The following PLPPR1 variants were observed in gnomAD, a reference collection of about 807,000 sequenced individuals.
PLPPR1 encodes the protein phospholipid phosphatase related 1, also known as phospholipid phosphatase-related protein type 1.
Under a neutral mutation model 33.1 loss-of-function variants are expected in PLPPR1, and 10 were observed. The ratio of observed to expected loss-of-function variants is 0.30; its 90% confidence interval spans 0.19 to 0.51. The LOEUF (loss-of-function observed/expected upper bound fraction) is 0.51. Among genes scored for constraint, PLPPR1 ranks in the 20% least tolerant of loss-of-function variants. The pLI is 0.97. For missense variants in PLPPR1, 304 were observed against 408.1 expected (o/e 0.74, Z 2.20); for synonymous variants, 151 against 151.0 (o/e 1.00, Z 0.00).
At chr9:101,083,375 A>T (rs529905676) in intron 1 of PLPPR1, among the ~76,000 whole-genome samples, 1 of 145,530 alleles carries the variant, frequency 6.9e-6, no homozygotes, top group Admixed American at 7.0e-5. Context: ...TGACAGAGCA[A>T]GACTCCATCT....
At chr9:101,123,115 C>G (rs1026912926) in intron 1 of PLPPR1, among the ~76,000 whole-genome samples, 2 of 152,174 alleles carry the variant, frequency 1.3e-5, no homozygotes, top group Non-Finnish European at 1.5e-5. Flanking sequence ...ATCAATATAT[C>G]TCTATATTTT....
At chr9:101,070,862 C>T (rs1343625924) in intron 1 of PLPPR1, among the ~76,000 whole-genome samples, 1 of 152,114 alleles carries the variant, frequency 6.6e-6, no homozygotes, top group Non-Finnish European at 1.5e-5. Flanking sequence ...CCAGCACTAA[C>T]AACAGTATCT....
chr9:101,136,111 C>A (rs1181880166), intron 1 of PLPPR1, among the ~76,000 whole-genome samples: 1 of 152,214 alleles, frequency 6.6e-6, no homozygotes, highest in Non-Finnish European at 1.5e-5. Context: ...CTTCAGAGTT[C>A]TTTTCTTACC....
chr9:101,184,678 G>C (rs562589154), intron 1 of PLPPR1, among the ~76,000 whole-genome samples: 1 of 152,014 alleles, frequency 6.6e-6, no homozygotes, highest in South Asian at 2.1e-4. Context: ...GTATTAAGAA[G>C]AATCAAAACT....
chr9:101,052,257 G>A (rs187865891), intron 1 of PLPPR1, among the ~76,000 whole-genome samples: 5 of 152,236 alleles, frequency 3.3e-5, no homozygotes, highest in South Asian at 4.1e-4. Flanking sequence ...CTTTAAGACC[G>A]TATGTATGGT....
At chr9:101,031,714 C>G (rs1829947829) in intron 1 of PLPPR1, among the ~76,000 whole-genome samples, 1 of 152,044 alleles carries the variant, frequency 6.6e-6, no homozygotes, top group Non-Finnish European at 1.5e-5. Context: ...TTTTCCTTTC[C>G]CTGGAGGATT....
intron 2 of PLPPR1, among the ~76,000 whole-genome samples, chr9:101,206,901 A>G (rs532436478): frequency 1.0e-3 from 152 of 151,454 alleles, no homozygotes; most frequent in Non-Finnish European, 1.7e-3. Context: ...CACCAGAGAA[A>G]CCCCTCCATT....
intron 1 of PLPPR1, among the ~76,000 whole-genome samples, chr9:101,175,521 C>T (rs1588058310): frequency 6.6e-6 from 1 of 151,988 alleles, no homozygotes; most frequent in African/African-American, 2.4e-5. Flanking sequence ...CATTCTTTGG[C>T]GCCACCATTA....
At chr9:101,038,914 G>C (rs1027133209) in intron 1 of PLPPR1, among the ~76,000 whole-genome samples, 3 of 152,068 alleles carry the variant, frequency 2.0e-5, no homozygotes, top group Admixed American at 1.3e-4. Context: ...ACAATCAGCT[G>C]TAATATTGAG....
At chr9:101,096,330 A>G (rs533296860) in intron 1 of PLPPR1, among the ~76,000 whole-genome samples, 1 of 152,332 alleles carries the variant, frequency 6.6e-6, no homozygotes, top group African/African-American at 2.4e-5. Context: ...CTCCTTGATC[A>G]TCTCTAGCAT....
At chr9:101,196,864 C>CAA (rs71498762) in intron 2 of PLPPR1, among the ~76,000 whole-genome samples, 90 of 125,966 alleles carry the variant, frequency 7.1e-4, no homozygotes, top group African/African-American at 2.2e-3. Context: ...GACTCTGTCT[C>CAA]AAAAAAAAAA....
chr9:101,095,020 A>G (rs893790635), intron 1 of PLPPR1, among the ~76,000 whole-genome samples: 4 of 152,182 alleles, frequency 2.6e-5, no homozygotes, highest in Admixed American at 1.3e-4. Flanking sequence ...ATGGCCTTGC[A>G]GCTAATCTGA....
intron 1 of PLPPR1, among the ~76,000 whole-genome samples, chr9:101,150,720 G>C (rs1214400201): frequency 6.6e-6 from 1 of 152,124 alleles, no homozygotes; most frequent in Non-Finnish European, 1.5e-5. Flanking sequence ...CTATCAACTA[G>C]GTGGTTATGC....
chr9:101,125,318 GTC>G (rs1831231413), intron 1 of PLPPR1: 1 of 165,332 alleles, frequency 6.0e-6, no homozygotes, highest in Non-Finnish European at 1.3e-5. Context: ...TTACTTACTT[GTC>G]TCTACTTTAC....
chr9:101,123,435 G>T (rs995375652), intron 1 of PLPPR1, among the ~76,000 whole-genome samples: 1 of 152,150 alleles, frequency 6.6e-6, no homozygotes, highest in Non-Finnish European at 1.5e-5. Flanking sequence ...GAGAGGGGTT[G>T]TTGGGGTGAT....
Position 101,090,718 on chromosome 9 carries a change from AAAACAAACAAACAAAC to A in PLPPR1, c.-46+61638_-46+61653del, listed in dbSNP as rs55685639. 1.8e-3 allele frequency among the ~76,000 whole-genome samples: 269 copies of A among 150,028 alleles called. 2 individuals carry two copies. The highest frequency in any genetic ancestry group is 2.3e-3 in the African/African-American group (91 of 40,370). The stretch of plus-strand genomic sequence containing the variant: ...GGACGACAGAGCAAGACTCTGTCTC[AAAACAAACAAACAAAC>A]AAACAAACAAACAAACAAACAGTAA... On this transcript the variant is annotated intron_variant, in intron 1 of 7. Transcript: ENST00000374874.
chr9:101,118,622 T>A (rs1023132665), intron 1 of PLPPR1, among the ~76,000 whole-genome samples: 1 of 152,164 alleles, frequency 6.6e-6, no homozygotes. Context: ...AGGGGAAATA[T>A]TATGGAGCCT....
At chr9:101,193,235 G>A (rs1826333935) in intron 2 of PLPPR1, among the ~76,000 whole-genome samples, 1 of 152,244 alleles carries the variant, frequency 6.6e-6, no homozygotes, top group Admixed American at 6.5e-5. Context: ...TAGACTCCAA[G>A]GGAAGGACTG....
intron 1 of PLPPR1, among the ~76,000 whole-genome samples, chr9:101,110,246 C>G (rs569425225): frequency 2.6e-5 from 4 of 152,102 alleles, no homozygotes; most frequent in Non-Finnish European, 4.4e-5. Context: ...ATAGATCTCA[C>G]TTATAATTTA....
Sources: gnomAD v4.1 joint callset for allele counts (sites outside exome capture counted in the v4.1 genomes callset) on GRCh38, gnomAD v4.1.1 for gene constraint, MANE v1.5 for transcripts, NCBI Gene and HGNC (gene_info 2026-07-23, HGNC 2026-07-21) for gene names.